Variants in GANC observed in about 807,000 individuals in gnomAD.
GANC encodes the protein glucosidase alpha, neutral C.
A neutral mutation model predicts 124.2 loss-of-function variants in GANC; 117 were observed. That is an observed-to-expected ratio of 0.94 (90% CI 0.81 to 1.10). The LOEUF is 1.10. Ranked by LOEUF, GANC falls within the 50% of genes least tolerant of loss-of-function variation. The pLI is 0.00. For missense variants in GANC, 1,140 were observed against 1,095.0 expected (o/e 1.04, Z -0.58); for synonymous variants, 377 against 376.8 (o/e 1.00, Z -0.01).
intron 10 of GANC, among the ~76,000 whole-genome samples, chr15:42,312,251 T>A (rs1303976747): frequency 1.3e-5 from 2 of 152,158 alleles, no homozygotes; most frequent in Admixed American, 1.3e-4. Context: ...AATTTATACT[T>A]CTTATATGAT....
At chr15:42,304,093 A>G (rs1299379986) in intron 6 of GANC, among the ~76,000 whole-genome samples, 1 of 152,230 alleles carries the variant, frequency 6.6e-6, no homozygotes, top group Admixed American at 6.5e-5. Flanking sequence ...AAAATTGACC[A>G]TGTAATTGGA....
At chr15:42,337,255 C>T (rs1420257199) in intron 15 of GANC, among the ~76,000 whole-genome samples, 1 of 152,176 alleles carries the variant, frequency 6.6e-6, no homozygotes, top group Non-Finnish European at 1.5e-5. Flanking sequence ...CAGTGGTAAA[C>T]TGGATAAAGA....
chr15:42,310,929 T>G, intron 10 of GANC, 83 bp downstream of exon 10: 3 of 1,426,812 alleles, frequency 2.1e-6, no homozygotes, highest in Non-Finnish European at 2.9e-6. Context: ...TAATATTTGT[T>G]GTATACTATG....
intron 5 of GANC, 72 bp downstream of exon 5, chr15:42,292,989 A>G (rs1405676728): frequency 2.9e-6 from 4 of 1,400,616 alleles, no homozygotes; most frequent in African/African-American, 2.8e-5. Context: ...TTGCCTAAAT[A>G]GATAACATAG....
At chr15:42,333,003 A>G (rs2052257848) in intron 15 of GANC, among the ~76,000 whole-genome samples, 1 of 144,334 alleles carries the variant, frequency 6.9e-6, no homozygotes, top group Non-Finnish European at 1.5e-5. Flanking sequence ...GGGCAACAAG[A>G]GCAAAACTCT....
At chr15:42,341,645 C>T (rs1167667448) in intron 18 of GANC, among the ~76,000 whole-genome samples, 3 of 151,906 alleles carry the variant, frequency 2.0e-5, no homozygotes, top group Non-Finnish European at 4.4e-5. Flanking sequence ...CTCACTGCAA[C>T]CTCTGCCTCC....
chr15:42,273,324 C>T lies in GANC; in HGVS notation c.-1158C>T. The T allele has an allele frequency of 6.2e-7, 1 of 1,614,166 alleles. No individual in the cohort carries two copies. The highest frequency in any genetic ancestry group is 8.5e-7 in the Non-Finnish European group (1 of 1,180,036). ...CGGTTGCCGGTCCCGCACTGAAAAA[C>T]GACAGTGGTGACGGGTGAGCTCCCA... On this transcript the variant is annotated 5_prime_UTR_variant, in exon 1 of 24. In the 5' UTR this introduces an upstream ATG that the reference lacks. Transcript: ENST00000318010.
At chr15:42,322,064 T>A in intron 11 of GANC, 44 bp downstream of exon 11, 2 of 1,514,736 alleles carry the variant, frequency 1.3e-6, no homozygotes, top group African/African-American at 1.4e-5. Flanking sequence ...TACAGAGTTT[T>A]AAAAAATGTT....
At chr15:42,314,204 A>C in intron 10 of GANC, 1 of 754,688 alleles carries the variant, frequency 1.3e-6, no homozygotes, top group South Asian at 1.4e-5. Flanking sequence ...AATATTCCCC[A>C]CAAGGAGTTC....
intron 8 of GANC, among the ~76,000 whole-genome samples, chr15:42,309,866 A>C (rs1211562483): frequency 6.6e-6 from 1 of 151,980 alleles, no homozygotes; most frequent in East Asian, 1.9e-4. Context: ...CAAAAAATAC[A>C]AAAATTAACT....
At chr15:42,283,783 A>G (rs1209964409) in intron 3 of GANC, 1 of 702,572 alleles carries the variant, frequency 1.4e-6, no homozygotes, top group Non-Finnish European at 2.6e-6. Flanking sequence ...ACTACCGCTT[A>G]TTAGCCAGTA....
At position 42,276,364 on chromosome 15, in the gene GANC, G is replaced by A. The variant is rs757107593; in HGVS notation, c.46G>A (p.Val16Ile). ...KEEISLEDEA[V>I]DKNIFRDCNK... ...TTTATTTAGTCTTGAAGATGAAGCTGTAGATAAAAACATTTTCAGAGACTG... is the reference window on the plus strand; with the variant it reads ...TTTATTTAGTCTTGAAGATGAAGCTATAGATAAAAACATTTTCAGAGACTG... The change falls in exon 2 of 24, where the codon GTA (valine) becomes ATA (isoleucine). Residue 16 changes from valine to isoleucine, a missense_variant. Val to Ile is a conservative substitution (Grantham distance 29). Transcript: ENST00000318010. The A allele has an allele frequency of 8.2e-6, 12 of 1,458,756 alleles. No homozygotes were observed. The highest frequency in any genetic ancestry group is 1.8e-4 in the Middle Eastern group (1 of 5,638). The allele number at this position is 1,458,756 out of a possible 1,614,324, so 90.4% of individuals were successfully genotyped here.
intron 10 of GANC, among the ~76,000 whole-genome samples, chr15:42,319,767 G>A (rs1388651259): frequency 6.6e-6 from 1 of 152,148 alleles, no homozygotes; most frequent in Non-Finnish European, 1.5e-5. Context: ...GAGTGTTTCA[G>A]TTTTGGGATT....
intron 13 of GANC, 161 bp downstream of exon 13, chr15:42,327,603 C>T: frequency 1.7e-6 from 1 of 586,720 alleles, no homozygotes; most frequent in Non-Finnish European, 3.0e-6. Flanking sequence ...TCTGGGGGTG[C>T]TGGGAGAGGT....
At chr15:42,313,041 C>T (rs1265067264) in intron 10 of GANC, among the ~76,000 whole-genome samples, 1 of 152,116 alleles carries the variant, frequency 6.6e-6, no homozygotes, top group East Asian at 1.9e-4. Context: ...CGCTTATGGC[C>T]ACCCAAAACA....
Position 42,310,751 on chromosome 15 carries a change from A to T in GANC, c.962A>T (p.His321Leu). ...AAKQKVRSRT[H>L]VHWMSESGII... Reference sequence around the variant, plus strand: ...AAACAAAAGGTCAGATCTCGCACTCATGTGCACTGGATGTCAGAGAGTGGC... The same window carrying T: ...AAACAAAAGGTCAGATCTCGCACTCTTGTGCACTGGATGTCAGAGAGTGGC... Residue 321 changes from histidine (H) to leucine (L), a missense_variant, in exon 10 of 24, where the codon CAT becomes CTT. Transcript: ENST00000318010. 1.2e-6 allele frequency: 2 copies of T among 1,614,134 alleles called. No individual in the cohort carries two copies. The highest frequency in any genetic ancestry group is 1.1e-5 in the South Asian group (1 of 91,076).
chr15:42,343,178 T>C, intron 19 of GANC, 24 bp downstream of exon 19: 1 of 1,580,686 alleles, frequency 6.3e-7, no homozygotes, highest in Non-Finnish European at 8.7e-7. Context: ...CAGCCACATA[T>C]CTGATATGTC....
chr15:42,273,243 G>GTGAA lies in GANC; in HGVS notation c.-1237_-1234dup, dbSNP rs1387990532. The GTGAA allele has an allele frequency of 6.2e-7, 1 of 1,613,902 alleles. No individual in the cohort carries two copies. The highest frequency in any genetic ancestry group is 8.5e-7 in the Non-Finnish European group (1 of 1,179,978). On this transcript the variant is annotated 5_prime_UTR_variant, in exon 1 of 24. The change creates a new upstream start codon in the 5' untranslated region. Transcript: ENST00000318010. The stretch of plus-strand genomic sequence containing the variant: ...TCCTCTAGGTTCAGACGTTAGTGAA[G>GTGAA]TGAATACTCACCGACGGTATCGGAA...
intron 10 of GANC, chr15:42,313,873 G>A (rs1045871247): frequency 8.8e-6 from 5 of 570,582 alleles, no homozygotes; most frequent in African/African-American, 7.6e-5. Flanking sequence ...CCTCTGCCTT[G>A]CTTCCCAGAG....
Sources: gnomAD v4.1 joint callset for allele counts (sites outside exome capture counted in the v4.1 genomes callset) on GRCh38, gnomAD v4.1.1 for gene constraint, MANE v1.5 for transcripts, NCBI Gene and HGNC (gene_info 2026-07-23, HGNC 2026-07-21) for gene names.